Variants in TRPV1 observed in about 807,000 individuals in gnomAD.
The protein encoded by TRPV1 is OTRPC1.
A neutral mutation model predicts 82.3 loss-of-function variants in TRPV1; 82 were observed. That is an observed-to-expected ratio of 1.00 (90% CI 0.83 to 1.20). The LOEUF is 1.20. Among genes scored for constraint, TRPV1 ranks in the 50% most tolerant of loss-of-function variants. The pLI is 0.00. For missense variants in TRPV1, 1,067 were observed against 1,096.8 expected, an observed-to-expected ratio of 0.97 and a Z score of 0.38; for synonymous variants, 515 against 467.7, an observed-to-expected ratio of 1.10 and a Z score of -1.30.
At chr17:3,597,936 T>A (rs183590554) in intron 2 of TRPV1, among the ~76,000 whole-genome samples, 13 of 152,260 alleles carry the variant, frequency 8.5e-5, no homozygotes, top group Non-Finnish European at 1.6e-4. Context: ...CCTCCCAAAG[T>A]GCTGGGATTC....
intron 2 of TRPV1, among the ~76,000 whole-genome samples, chr17:3,593,098 G>A (rs9900231): frequency 7.8e-4 from 28 of 35,882 alleles, no homozygotes; most frequent in South Asian, 3.3e-3. Flanking sequence ...GTGTGTGTGT[G>A]TGTGTGTGTG....
At chr17:3,579,778 C>G (rs1388192086) in intron 11 of TRPV1, among the ~76,000 whole-genome samples, 1 of 152,168 alleles carries the variant, frequency 6.6e-6, no homozygotes. Flanking sequence ...GCCCGGCCAT[C>G]CAAACTGTTC....
intron 14 of TRPV1, 82 bp downstream of exon 14, chr17:3,573,551 C>CCCCCCCCCCCCCCCT: frequency 1.1e-5 from 7 of 635,234 alleles, no homozygotes; most frequent in South Asian, 1.2e-4. Context: ...ACCCACCCAC[C>CCCCCCCCCCCCCCCT]TGCAGCCAGC....
chr17:3,589,792 G>C lies in TRPV1; in HGVS notation c.1044+15C>G. On this transcript the variant is annotated intron_variant, in intron 7 of 16. Coordinates refer to ENST00000572705, the MANE Select transcript of TRPV1 (RefSeq NM_080704.4). The stretch of plus-strand genomic sequence containing the variant: ...GCCCCGCACCGCACCAGCCTGAGCC[G>C]AAGCCCCCTCTTACCCCGATCTTCC... 6.2e-7 allele frequency: 1 copy of C among 1,600,510 alleles called. No homozygotes were observed. Among genetic ancestry groups the C allele is most frequent in the Non-Finnish European group, 8.5e-7 (1 of 1,172,854 alleles).
At chr17:3,581,278 G>A (rs1015345086) in intron 10 of TRPV1, among the ~76,000 whole-genome samples, 5 of 151,816 alleles carry the variant, frequency 3.3e-5, no homozygotes, top group African/African-American at 4.8e-5. Context: ...TTCACATGCC[G>A]AGCATATTTT....
At chr17:3,601,096 C>T (rs1441182207) in intron 2 of TRPV1, among the ~76,000 whole-genome samples, 2 of 151,880 alleles carry the variant, frequency 1.3e-5, no homozygotes, top group Non-Finnish European at 2.9e-5. Context: ...CTGCAGCAGT[C>T]CCTGCCTGGA....
chr17:3,573,529 A>ACCG lies in TRPV1; in HGVS notation c.2103+101_2103+103dup. ...GAGGCCCATACCCTCCTGGCCACAC[A>ACCG]CCGCCCCCACCACCCACCCACCTGC... On this transcript the variant is annotated intron_variant, in intron 14 of 16. Transcript: ENST00000572705. The ACCG allele has an allele frequency of 9.5e-5, 2 of 20,996 alleles. 1 individual carries two copies. Among genetic ancestry groups the ACCG allele is most frequent in the Non-Finnish European group, 2.3e-4 (2 of 8,698 alleles). The allele number at this position is 20,996 out of a possible 1,614,324, so 1.3% of individuals were successfully genotyped here.
chr17:3,577,024 C>A lies in TRPV1; in HGVS notation c.1780+102G>T. 3 of 1,239,172 alleles carry A rather than the reference C, an allele frequency of 2.4e-6. No individual in the cohort carries two copies. The South Asian group carries it at 4.1e-5, about 17-fold the overall frequency. The allele number at this position is 1,239,172 out of a possible 1,614,324, so 76.8% of individuals were successfully genotyped here. On this transcript the variant is annotated intron_variant, in intron 13 of 16. Transcript: ENST00000572705. The stretch of plus-strand genomic sequence containing the variant: ...CCTCTCAGTCACCTGCAGACATGCA[C>A]CTGCCTACCCAGTGCCTTCTCATTC...
rs745592571 is a variant in TRPV1 at position 3,591,204 on chromosome 17, G to T, written c.434C>A (p.Thr145Lys). Residue 145 changes from threonine to lysine, a missense_variant, in exon 4 of 17, where the codon ACA (threonine) becomes AAA (lysine). Coordinates refer to ENST00000572705, the MANE Select transcript of TRPV1 (RefSeq NM_080704.4). ...GGGGCCACCTTTGAACTCGTTGTCT[G>T]TGAGGTGCTTCTTGCTCTTCTGCAG... Reference protein sequence around the residue: ...LFLQKSKKHLTDNEFKDPETG... With the variant: ...LFLQKSKKHLKDNEFKDPETG... 6.2e-7 allele frequency: 1 copy of T among 1,611,028 alleles called. No individual in the cohort carries two copies. The highest frequency in any genetic ancestry group is 1.7e-5 in the Admixed American group (1 of 59,330).
In TRPV1 at chr17:3,571,485, C is replaced by T. The variant is rs1219428189; in HGVS notation, c.2347+39G>A. 4.7e-6 allele frequency: 7 copies of T among 1,495,430 alleles called. No individual in the cohort carries two copies. In the East Asian group the frequency reaches 1.5e-4, roughly 31 times the overall value. 92.6% of individuals were successfully genotyped at this position (1,495,430 alleles called of 1,614,324 possible). On this transcript the variant is annotated intron_variant, in intron 16 of 16. Transcript: ENST00000572705. ...CTCCCCCTGCCCAACATCAGGCCACCAGCCAAGGAGGCGCCAAGCACCGGC... is the reference window on the plus strand; with the variant it reads ...CTCCCCCTGCCCAACATCAGGCCACTAGCCAAGGAGGCGCCAAGCACCGGC...
intron 2 of TRPV1, among the ~76,000 whole-genome samples, chr17:3,599,624 TTTC>T (rs1208343266): frequency 6.8e-6 from 1 of 146,140 alleles, no homozygotes; most frequent in Non-Finnish European, 1.5e-5. Flanking sequence ...ATTTCCTTTT[TTTC>T]TTTTCTTTTT....
chr17:3,606,511 C>G (rs913902355), intron 2 of TRPV1, among the ~76,000 whole-genome samples: 2 of 152,144 alleles, frequency 1.3e-5, no homozygotes, highest in African/African-American at 4.8e-5. Context: ...GCAGCCCTGC[C>G]GTGGGCTCAT....
chr17:3,584,905 G>C (rs2150841654), intron 9 of TRPV1, among the ~76,000 whole-genome samples: 1 of 152,382 alleles, frequency 6.6e-6, no homozygotes, highest in South Asian at 2.1e-4. Flanking sequence ...CCAGAAGTTT[G>C]ATGAAGTCTT....
At chr17:3,599,996 A>G (rs1433369253) in intron 2 of TRPV1, among the ~76,000 whole-genome samples, 1 of 152,170 alleles carries the variant, frequency 6.6e-6, no homozygotes, top group Non-Finnish European at 1.5e-5. Context: ...TCCATTCACC[A>G]GCTGATGAAC....
chr17:3,574,657 A>G (rs2074905614), intron 13 of TRPV1, among the ~76,000 whole-genome samples: 1 of 152,214 alleles, frequency 6.6e-6, no homozygotes, highest in Non-Finnish European at 1.5e-5. Context: ...TGCTCAAAAA[A>G]TGATGTGGAG....
chr17:3,580,675 G>A (rs2074996232), intron 10 of TRPV1, 148 bp from the exon 11 acceptor site: 1 of 813,242 alleles, frequency 1.2e-6, no homozygotes, highest in Non-Finnish European at 2.1e-6. Flanking sequence ...GCAAGGGTCA[G>A]GCCAATGGGG....
At chr17:3,578,030 C>T (rs1418500025) in intron 11 of TRPV1, 1 of 309,828 alleles carries the variant, frequency 3.2e-6, no homozygotes, top group Non-Finnish European at 6.2e-6. Context: ...AAAGGCCAGG[C>T]GCAGTAGCTC....
intron 6 of TRPV1, 27 bp from the exon 7 acceptor site, chr17:3,590,132 C>A (rs1162963142): frequency 6.3e-7 from 1 of 1,590,350 alleles, no homozygotes; most frequent in Non-Finnish European, 8.6e-7. Flanking sequence ...CCCAGGTGGG[C>A]CTCAGGAGTG....
intron 2 of TRPV1, among the ~76,000 whole-genome samples, chr17:3,606,460 C>T (rs541506813): frequency 6.6e-6 from 1 of 152,316 alleles, no homozygotes; most frequent in Non-Finnish European, 1.5e-5. Flanking sequence ...CAGGCATTCC[C>T]TGTGCACGTC....
Sources: gnomAD v4.1 joint callset for allele counts (sites outside exome capture counted in the v4.1 genomes callset) on GRCh38, gnomAD v4.1.1 for gene constraint, MANE v1.5 for transcripts, NCBI Gene and HGNC (gene_info 2026-07-23, HGNC 2026-07-21) for gene names.